PLXNC1: variants seen among roughly 807,000 people sequenced by gnomAD.
PLXNC1 encodes the protein plexin-C1.
Under a neutral mutation model 178.2 loss-of-function variants are expected in PLXNC1, and 75 were observed. That is an observed-to-expected ratio of 0.42 (90% CI 0.35 to 0.51). The LOEUF is 0.51. Among genes scored for constraint, PLXNC1 ranks in the 20% least tolerant of loss-of-function variants. The pLI, the probability that PLXNC1 is intolerant of heterozygous loss-of-function variation, is 0.02. For synonymous variants in PLXNC1, 790 were observed against 779.9 expected (o/e 1.01, Z -0.22); for missense variants, 1,503 against 1,984.4 (o/e 0.76, Z 4.61).
intron 21 of PLXNC1, among the ~76,000 whole-genome samples, chr12:94,265,710 G>A (rs757167866): frequency 1.3e-5 from 2 of 152,174 alleles, no homozygotes; most frequent in Non-Finnish European, 2.9e-5. Flanking sequence ...AGTTACAAAT[G>A]TTTGGTGTCA....
intron 4 of PLXNC1, among the ~76,000 whole-genome samples, chr12:94,187,396 A>G (rs1962556891): frequency 6.6e-6 from 1 of 152,196 alleles, no homozygotes; most frequent in Admixed American, 6.5e-5. Flanking sequence ...GAAATGCAAT[A>G]CAAGCAAGAG....
rs2135959963 is a variant in PLXNC1, at chr12:94,181,572, G to A, written c.1330G>A (p.Gly444Arg). 1 of 1,606,172 alleles carries A rather than the reference G, an allele frequency of 6.2e-7. No individual in the cohort carries two copies. Among genetic ancestry groups the A allele is most frequent in the Non-Finnish European group, 8.5e-7 (1 of 1,175,198 alleles). ...GAATATCTACATTTATCTAACAGCT[G>A]GGAAAGAGGTAGGTAGAAATACTAG... Reference protein sequence around the residue: ...VKNIYIYLTAGKEVRRIRVAN... With the variant: ...VKNIYIYLTARKEVRRIRVAN... Residue 444 changes from glycine to arginine, a missense_variant, in exon 3 of 31, where the codon GGG (glycine) becomes AGG (arginine). Coordinates refer to ENST00000258526, the MANE Select transcript of PLXNC1 (RefSeq NM_005761.3).
chr12:94,266,015 T>A (rs577472551), intron 21 of PLXNC1, among the ~76,000 whole-genome samples: 1 of 152,330 alleles, frequency 6.6e-6, no homozygotes, highest in Non-Finnish European at 1.5e-5. Context: ...TTTGGTTTGA[T>A]CTTTAGCTTT....
At chr12:94,202,689 C>T (rs1416153241) in intron 4 of PLXNC1, among the ~76,000 whole-genome samples, 1 of 152,018 alleles carries the variant, frequency 6.6e-6, no homozygotes, top group East Asian at 1.9e-4. Context: ...GCCTGTTTGC[C>T]CTGTATGTGT....
At chr12:94,266,628 C>T (rs952954660) in intron 21 of PLXNC1, among the ~76,000 whole-genome samples, 4 of 152,202 alleles carry the variant, frequency 2.6e-5, no homozygotes, top group Admixed American at 6.5e-5. Flanking sequence ...TGGGGCCAGA[C>T]ATTTTGGAAT....
chr12:94,246,546 G>T (rs1964534976), intron 12 of PLXNC1, among the ~76,000 whole-genome samples: 1 of 152,214 alleles, frequency 6.6e-6, no homozygotes, highest in African/African-American at 2.4e-5. Context: ...GGCCGAGAAG[G>T]TGCTCAGAAA....
At chr12:94,200,377 C>T (rs1292857774) in intron 4 of PLXNC1, among the ~76,000 whole-genome samples, 1 of 152,182 alleles carries the variant, frequency 6.6e-6, no homozygotes, top group African/African-American at 2.4e-5. Flanking sequence ...CCAGCATCTC[C>T]TCCATATCCA....
In PLXNC1 at chr12:94,303,964, GTCTT is replaced by G. The variant is rs747710877; in HGVS notation, c.4528-7_4528-4del. 3.7e-6 allele frequency: 6 copies of G among 1,606,530 alleles called. No individual in the cohort carries two copies. The highest frequency in any genetic ancestry group is 4.3e-6 in the Non-Finnish European group (5 of 1,174,286). On this transcript the variant is annotated splice_polypyrimidine_tract_variant and intron_variant, in intron 29 of 30. Coordinates refer to ENST00000258526, the MANE Select transcript of PLXNC1 (RefSeq NM_005761.3). ...ACGTCATTTCAGAATCTCTCAACAA[GTCTT>G]TCTTTTAGAAACATGAAAATGAATT... is the stretch of plus-strand genomic sequence containing the variant.
chr12:94,262,162 A>G (rs1965007311), intron 20 of PLXNC1, among the ~76,000 whole-genome samples: 1 of 152,166 alleles, frequency 6.6e-6, no homozygotes, highest in Admixed American at 6.5e-5. Context: ...GAAGCTCCGG[A>G]AGTGGAGCCC....
At chr12:94,208,070 G>T (rs1963355344) in intron 4 of PLXNC1, among the ~76,000 whole-genome samples, 1 of 152,194 alleles carries the variant, frequency 6.6e-6, no homozygotes, top group Non-Finnish European at 1.5e-5. Context: ...AGCAGTGCTT[G>T]TCTCTCCGTT....
intron 9 of PLXNC1, among the ~76,000 whole-genome samples, chr12:94,236,030 T>C (rs1014165814): frequency 6.6e-6 from 1 of 152,212 alleles, no homozygotes; most frequent in African/African-American, 2.4e-5. Context: ...GCAAGAGATT[T>C]ATCTTGAAGG....
chr12:94,248,520 C>T (rs1355321150), intron 14 of PLXNC1, 108 bp downstream of exon 14: 2 of 881,178 alleles, frequency 2.3e-6, no homozygotes, highest in Non-Finnish European at 3.5e-6. Context: ...CAGATCCTCA[C>T]TTTAAATAGA....
At chr12:94,255,931 T>G (rs927258361) in intron 17 of PLXNC1, 1 of 152,458 alleles carries the variant, frequency 6.6e-6, no homozygotes, top group African/African-American at 2.4e-5. Context: ...TACTTAACCT[T>G]TTGGGTTGCT....
intron 4 of PLXNC1, among the ~76,000 whole-genome samples, chr12:94,187,202 C>A (rs1046567187): frequency 1.5e-4 from 18 of 123,048 alleles, no homozygotes; most frequent in African/African-American, 3.2e-4. Context: ...GAAAAAAAAA[C>A]CCATAACAGT....
intron 23 of PLXNC1, among the ~76,000 whole-genome samples, chr12:94,291,354 G>C (rs1967301844): frequency 6.6e-6 from 1 of 152,152 alleles, no homozygotes; most frequent in South Asian, 2.1e-4. Flanking sequence ...TCCTGCCTCA[G>C]CTGGGACTAC....
chr12:94,149,937 C>A lies in PLXNC1; in HGVS notation c.966C>A (p.Ser322=). ...CTGGAGAGGGCCAGGAGCGGCGCTC[C>A]CCCACCACCACGGCGCTCTGCCTCT... ...AAAGEGQERR[S]PTTTALCLFR... The change falls in exon 1 of 31, where the codon TCC becomes TCA. Residue 322 remains serine, a synonymous_variant. Transcript: ENST00000258526. 1 of 1,587,242 alleles carries A rather than the reference C, an allele frequency of 6.3e-7. No individual in the cohort carries two copies. Among genetic ancestry groups the A allele is most frequent in the South Asian group, 1.1e-5 (1 of 87,560 alleles).
At chr12:94,301,424 C>T (rs1369744320) in intron 28 of PLXNC1, among the ~76,000 whole-genome samples, 23 of 152,062 alleles carry the variant, frequency 1.5e-4, no homozygotes, top group Admixed American at 1.4e-3. Context: ...ACATAAAATG[C>T]CTATTTGAAT....
intron 4 of PLXNC1, among the ~76,000 whole-genome samples, chr12:94,192,364 C>T (rs966945679): frequency 6.6e-6 from 1 of 151,852 alleles, no homozygotes; most frequent in Non-Finnish European, 1.5e-5. Flanking sequence ...GTGCTAAGTC[C>T]TATGCTCAGT....
chr12:94,156,084 T>C (rs1302811087), intron 1 of PLXNC1, among the ~76,000 whole-genome samples: 2 of 152,240 alleles, frequency 1.3e-5, no homozygotes, highest in Non-Finnish European at 2.9e-5. Context: ...TTTCTGTGCC[T>C]CAGTTTCTTA....
Sources: allele counts gnomAD v4.1 joint callset (sites outside exome capture counted in the v4.1 genomes callset), GRCh38; gene constraint gnomAD v4.1.1; transcripts MANE v1.5; gene names NCBI Gene and HGNC (gene_info 2026-07-23, HGNC 2026-07-21).